The following CCDC30 variants were observed in gnomAD, a reference collection of about 807,000 sequenced individuals.
CCDC30 encodes the protein coiled-coil domain containing 30, also known as coiled-coil domain-containing protein 30.
Under a neutral mutation model 100.2 loss-of-function variants are expected in CCDC30, and 70 were observed. The observed-to-expected ratio is 0.70, with a 90% confidence interval of 0.58 to 0.85. The LOEUF (loss-of-function observed/expected upper bound fraction) is 0.85. Ranked by LOEUF, CCDC30 falls within the 40% of genes least tolerant of loss-of-function variation. The pLI is 0.00. For synonymous variants in CCDC30, 233 were observed against 269.5 expected (o/e 0.86, Z 1.33); for missense variants, 652 against 771.2 (o/e 0.85, Z 1.83).
At chr1:42,556,968 A>G (rs1352723792) in intron 6 of CCDC30, among the ~76,000 whole-genome samples, 1 of 152,272 alleles carries the variant, frequency 6.6e-6, no homozygotes, top group Non-Finnish European at 1.5e-5. Context: ...GGCTTTTGCT[A>G]TTTTACTAGG....
chr1:42,597,184 C>T (rs573433905), intron 10 of CCDC30, among the ~76,000 whole-genome samples: 3 of 152,078 alleles, frequency 2.0e-5, no homozygotes, highest in African/African-American at 7.2e-5. Context: ...ATGATAGATA[C>T]ATATAGATAC....
At chr1:42,647,053 C>T (rs1647944439) in intron 15 of CCDC30, among the ~76,000 whole-genome samples, 1 of 151,848 alleles carries the variant, frequency 6.6e-6, no homozygotes, top group African/African-American at 2.4e-5. Context: ...TGAGCCAAGA[C>T]TGAGCCACTG....
the CCDC30 span, chr1:42,457,130 C>T: frequency 3.2e-6 from 5 of 1,581,426 alleles, no homozygotes; most frequent in South Asian, 4.7e-5. Flanking sequence ...TTTCCAGCCA[C>T]TTATCCCCTT....
chr1:42,558,794 G>A (rs111979247), intron 6 of CCDC30, among the ~76,000 whole-genome samples: 63 of 152,166 alleles, frequency 4.1e-4, no homozygotes, highest in African/African-American at 1.4e-3. Flanking sequence ...GAAATACAGA[G>A]AACACCATTA....
At chr1:42,552,905 A>G (rs1645283170) in intron 6 of CCDC30, among the ~76,000 whole-genome samples, 2 of 152,070 alleles carry the variant, frequency 1.3e-5, no homozygotes, top group South Asian at 4.2e-4. Context: ...CTCCCCTCAC[A>G]CTGCAGGGTA....
chr1:42,476,626 G>T lies in CCDC30; in HGVS notation c.-91-3835G>T, dbSNP rs185370519. 1.4e-3 allele frequency among the ~76,000 whole-genome samples: 207 copies of T among 151,650 alleles called. 5 individuals are homozygous for T. The highest frequency in any genetic ancestry group is 0.013 in the Admixed American group (202 of 15,240). ...AATTGCTTGAACCTGGGAGGCAGAG[G>T]TTGTGGTGAGCGGAGATTGTGCCGT... On this transcript the variant is annotated intron_variant, in intron 1 of 16. Coordinates refer to ENST00000668663, the Ensembl canonical transcript of CCDC30.
At chr1:42,628,613 T>G (rs557322377) in intron 11 of CCDC30, among the ~76,000 whole-genome samples, 4 of 152,266 alleles carry the variant, frequency 2.6e-5, no homozygotes, top group Admixed American at 6.5e-5. Context: ...TCCTGTGCTA[T>G]TCTCGTGATA....
rs147310890 is a variant in CCDC30 at position 42,553,746 on chromosome 1, T to A, written c.457-12550T>A. Among the ~76,000 whole-genome samples the A allele has an allele frequency of 4.0e-3, 602 of 151,916 alleles. 3 individuals carry two copies. Among genetic ancestry groups the A allele is most frequent in the African/African-American group, 0.014 (574 of 41,426 alleles). On this transcript the variant is annotated intron_variant, in intron 6 of 16. Coordinates refer to ENST00000668663, the Ensembl canonical transcript of CCDC30. ...ATGTGTGTCTAGCTTCCACTGGATA[T>A]AAGAAAAGGAAAGGGATTTATAAAT...
intron 6 of CCDC30, among the ~76,000 whole-genome samples, chr1:42,507,304 C>T (rs1342351722): frequency 6.6e-6 from 1 of 152,184 alleles, no homozygotes; most frequent in Admixed American, 6.5e-5. Context: ...TCTTTGCAAA[C>T]CTTTTGTAAC....
upstream of CCDC30, among the ~76,000 whole-genome samples, chr1:42,461,736 G>A (rs1277453877): frequency 6.6e-6 from 1 of 151,918 alleles, no homozygotes; most frequent in African/African-American, 2.4e-5. Flanking sequence ...TAGTAGAGAT[G>A]GGGTTTCACC....
At chr1:42,624,984 A>G (rs1646905031) in intron 11 of CCDC30, among the ~76,000 whole-genome samples, 1 of 152,198 alleles carries the variant, frequency 6.6e-6, no homozygotes, top group African/African-American at 2.4e-5. Flanking sequence ...AGTGTTTGGT[A>G]GAATTCAGCA....
intron 9 of CCDC30, among the ~76,000 whole-genome samples, chr1:42,582,602 A>G (rs1645989840): frequency 6.6e-6 from 1 of 152,216 alleles, no homozygotes; most frequent in African/African-American, 2.4e-5. Context: ...AGCTTTGGCT[A>G]CCTTTCTCAA....
rs188405104 is a variant in CCDC30, at chr1:42,500,214, G to A, written c.456+1298G>A. The A allele has an allele frequency of 3.9e-4, 618 of 1,569,800 alleles. 4 individuals are homozygous for A. In the African/African-American group the frequency reaches 7.6e-3, roughly 19 times the overall value. ...GGCGGTGCACGCCTCATTATGATTC[G>A]CCTGCTTGCTTCTCCTGTTCAATCG... On this transcript the variant is annotated intron_variant, in intron 6 of 16. Coordinates refer to ENST00000668663, the Ensembl canonical transcript of CCDC30.
At chr1:42,581,229 C>T in intron 8 of CCDC30, 131 bp from the exon 13 acceptor site, 1 of 683,132 alleles carries the variant, frequency 1.5e-6, no homozygotes, top group East Asian at 2.6e-5. Context: ...TTAAATCTAG[C>T]TACTCTTTTT....
At chr1:42,592,821 A>C (rs72637937) in intron 10 of CCDC30, 1 of 152,016 alleles carries the variant, frequency 6.6e-6, no homozygotes, top group African/African-American at 2.4e-5. Flanking sequence ...CTCCCACTTC[A>C]CCTACCATCA....
At chr1:42,616,981 G>A (rs1419911465) in intron 11 of CCDC30, among the ~76,000 whole-genome samples, 3 of 152,230 alleles carry the variant, frequency 2.0e-5, no homozygotes, top group Non-Finnish European at 4.4e-5. Context: ...GTGGGAAAAT[G>A]CTTATACTGT....
At chr1:42,618,111 C>T (rs544825401) in intron 11 of CCDC30, among the ~76,000 whole-genome samples, 6 of 151,656 alleles carry the variant, frequency 4.0e-5, no homozygotes, top group African/African-American at 9.7e-5. Context: ...GTATTATAAA[C>T]GATGTTAAAA....
chr1:42,633,638 C>T (rs967917925), intron 11 of CCDC30, among the ~76,000 whole-genome samples: 2 of 152,106 alleles, frequency 1.3e-5, no homozygotes, highest in Non-Finnish European at 2.9e-5. Flanking sequence ...GGCCAGTCTC[C>T]GTGTCTCATA....
rs190231799 is a variant in CCDC30 at position 42,654,124 on chromosome 1, C to A, written c.*96C>A. ...CATTGAGAAGAGTTACCACAGATCC[C>A]AAATGGATATCACCCAAGAGTCTTC... is the stretch of plus-strand genomic sequence containing the variant. On this transcript the variant is annotated 3_prime_UTR_variant, in exon 17 of 17. Coordinates refer to ENST00000668663, the Ensembl canonical transcript of CCDC30. 34 of 785,994 alleles carry A rather than the reference C, an allele frequency of 4.3e-5. No individual in the cohort carries two copies. The East Asian group carries it at 8.1e-4, about 19-fold the overall frequency. The allele number at this position is 785,994 out of a possible 1,614,324, so 48.7% of individuals were successfully genotyped here. A position where few individuals can be genotyped will look rare whatever the true frequency, so the allele number is the denominator to read the frequency against.
Sources: allele counts gnomAD v4.1 joint callset (sites outside exome capture counted in the v4.1 genomes callset), GRCh38; gene constraint gnomAD v4.1.1; transcripts MANE v1.5; gene names NCBI Gene and HGNC (gene_info 2026-07-23, HGNC 2026-07-21).